SPACA1: variants seen among roughly 807,000 people sequenced by gnomAD.
SPACA1 encodes the protein sperm acrosome membrane-associated protein 1.
In SPACA1, 17 loss-of-function variants were observed where a neutral mutation model predicts 32.6. That is an observed-to-expected ratio of 0.52 (90% confidence interval 0.36 to 0.78). The LOEUF (loss-of-function observed/expected upper bound fraction) is 0.78. Among genes scored for constraint, SPACA1 ranks in the 30% least tolerant of loss-of-function variants. The pLI is 0.01. For synonymous variants in SPACA1, 140 were observed against 138.1 expected (o/e 1.01, Z -0.10); for missense variants, 363 against 373.4 (o/e 0.97, Z 0.23).
At chr6:88,064,333 A>C in intron 6 of SPACA1, 114 bp downstream of exon 6, 1 of 1,084,162 alleles carries the variant, frequency 9.2e-7, no homozygotes, top group South Asian at 1.9e-5. Context: ...TTGCCTTGAA[A>C]CTGTCCATCG....
At chr6:88,057,089 C>T (rs1463108324) in intron 2 of SPACA1, among the ~76,000 whole-genome samples, 1 of 152,066 alleles carries the variant, frequency 6.6e-6, no homozygotes, top group Non-Finnish European at 1.5e-5. Flanking sequence ...TATTGTATAC[C>T]ACTATATTCC....
chr6:88,063,990 G>T (rs1775936406), intron 5 of SPACA1, 109 bp from the exon 6 acceptor site: 2 of 1,243,538 alleles, frequency 1.6e-6, no homozygotes, highest in East Asian at 2.6e-5. Flanking sequence ...TCTGCACTAA[G>T]CATTTCTTTA....
chr6:88,060,891 C>G (rs1775883149), intron 5 of SPACA1, among the ~76,000 whole-genome samples: 2 of 152,182 alleles, frequency 1.3e-5, no homozygotes. Flanking sequence ...AGCACAGACC[C>G]TAAAATGTCA....
At chr6:88,065,767 A>T (rs942995866) in intron 6 of SPACA1, among the ~76,000 whole-genome samples, 2 of 149,996 alleles carry the variant, frequency 1.3e-5, no homozygotes, top group African/African-American at 2.4e-5. Flanking sequence ...AGGTATAGTC[A>T]TGTAACCTTA....
intron 1 of SPACA1, among the ~76,000 whole-genome samples, chr6:88,049,954 G>T (rs1158701705): frequency 6.6e-6 from 1 of 152,058 alleles, no homozygotes; most frequent in East Asian, 1.9e-4. Context: ...AACTACAAAG[G>T]CATATATTTT....
chr6:88,064,604 G>A (rs1775949040), intron 6 of SPACA1: 1 of 153,982 alleles, frequency 6.5e-6, no homozygotes, highest in Non-Finnish European at 1.4e-5. Flanking sequence ...ATACCTACAT[G>A]AGTAGTACAC....
At chr6:88,052,121 T>C (rs560580586) in intron 1 of SPACA1, among the ~76,000 whole-genome samples, 6 of 152,212 alleles carry the variant, frequency 3.9e-5, no homozygotes, top group Non-Finnish European at 7.3e-5. Context: ...CATTGTAGGA[T>C]TCCCATTTTT....
chr6:88,057,307 G>A (rs1476440671), intron 2 of SPACA1, among the ~76,000 whole-genome samples: 4 of 152,122 alleles, frequency 2.6e-5, no homozygotes, highest in Non-Finnish European at 4.4e-5. Context: ...TCAAAATTCC[G>A]TAGTAAAGCG....
At position 88,064,083 on chromosome 6, in the gene SPACA1, T is replaced by G; in HGVS notation, c.611-16T>G. On this transcript the variant is annotated splice_polypyrimidine_tract_variant and intron_variant, in intron 5 of 6. Coordinates refer to ENST00000237201, the MANE Select transcript of SPACA1 (RefSeq NM_030960.3). ...CCTCAGTAGTAATACTCCTTAGGTT[T>G]GTGTGTTTTCTCTAGAATTGCAGAT... 6.2e-7 allele frequency: 1 copy of G among 1,611,272 alleles called. No individual in the cohort carries two copies. The highest frequency in any genetic ancestry group is 8.5e-7 in the Non-Finnish European group (1 of 1,178,994).
At chr6:88,052,786 G>T (rs577975211) in intron 1 of SPACA1, among the ~76,000 whole-genome samples, 3 of 152,208 alleles carry the variant, frequency 2.0e-5, no homozygotes, top group African/African-American at 7.2e-5. Context: ...GCAGTGAGCC[G>T]GGATCATGCC....
At chr6:88,048,477 T>C (rs80320789) in intron 1 of SPACA1, among the ~76,000 whole-genome samples, 106 of 143,554 alleles carry the variant, frequency 7.4e-4, no homozygotes, top group African/African-American at 2.6e-3. Context: ...ATTTTTTTTT[T>C]CAAGTTCCAA....
chr6:88,054,134 A>C, intron 2 of SPACA1, 132 bp downstream of exon 2: 1 of 643,470 alleles, frequency 1.6e-6, no homozygotes, highest in Non-Finnish European at 2.6e-6. Context: ...TCTAATAACT[A>C]TAATGTATAC....
intron 6 of SPACA1, 124 bp downstream of exon 6, chr6:88,064,343 G>A (rs1469366641): frequency 5.0e-5 from 47 of 945,316 alleles, no homozygotes; most frequent in African/African-American, 1.2e-4. Flanking sequence ...ACTGTCCATC[G>A]CCTTTCATTA....
intron 6 of SPACA1, among the ~76,000 whole-genome samples, chr6:88,064,748 G>C (rs1170886515): frequency 6.7e-6 from 1 of 148,442 alleles, no homozygotes; most frequent in African/African-American, 2.5e-5. Context: ...ACATATATAT[G>C]TACATATATT....
upstream of SPACA1, chr6:88,047,650 C>T (rs1775657534): frequency 2.4e-6 from 1 of 413,710 alleles, no homozygotes; most frequent in African/African-American, 2.1e-5. Context: ...CGGGGAAGGG[C>T]GGCGTCCTCT....
In SPACA1 at chr6:88,066,409, A is replaced by C; in HGVS notation, c.*74A>C. 7.4e-7 allele frequency: 1 copy of C among 1,350,948 alleles called. No homozygotes were observed. The highest frequency in any genetic ancestry group is 9.9e-7 in the Non-Finnish European group (1 of 1,008,208). The allele number at this position is 1,350,948 out of a possible 1,614,324, so 83.7% of individuals were successfully genotyped here. ...TCATTATTACAAAAATAAAATACAC[A>C]TTGAAATACTTTAATAATGTTGCGA... On this transcript the variant is annotated 3_prime_UTR_variant, in exon 7 of 7. Coordinates refer to ENST00000237201, the MANE Select transcript of SPACA1 (RefSeq NM_030960.3).
intron 3 of SPACA1, 23 bp downstream of exon 3, chr6:88,057,736 G>A: frequency 6.3e-7 from 1 of 1,590,858 alleles, no homozygotes; most frequent in East Asian, 2.2e-5. Flanking sequence ...ATGTATTGGA[G>A]GGAGACTGTG....
At chr6:88,050,859 T>C (rs1373908545) in intron 1 of SPACA1, among the ~76,000 whole-genome samples, 1 of 152,212 alleles carries the variant, frequency 6.6e-6, no homozygotes. Context: ...ATTAAGATAT[T>C]AGATTTATGG....
At chr6:88,048,845 A>G (rs560752111) in intron 1 of SPACA1, among the ~76,000 whole-genome samples, 1 of 152,152 alleles carries the variant, frequency 6.6e-6, no homozygotes, top group Non-Finnish European at 1.5e-5. Flanking sequence ...TGTCATATTG[A>G]TTAGTAACTC....
Sources: gnomAD v4.1 joint callset for allele counts (sites outside exome capture counted in the v4.1 genomes callset) on GRCh38, gnomAD v4.1.1 for gene constraint, MANE v1.5 for transcripts, NCBI Gene and HGNC (gene_info 2026-07-23, HGNC 2026-07-21) for gene names.